The following ZNF500 variants were observed in gnomAD, a reference collection of about 807,000 sequenced individuals.
The protein encoded by ZNF500 is zinc finger protein 500, also known as zinc finger protein with KRAB and SCAN domains 18.
Under a neutral mutation model 30.1 loss-of-function variants are expected in ZNF500, and 31 were observed. The observed-to-expected ratio is 1.03, with a 90% CI of 0.77 to 1.39. ZNF500 has a LOEUF of 1.39. ZNF500 is among the 40% of genes most tolerant of loss of function. The pLI, the probability that ZNF500 is intolerant of heterozygous loss-of-function variation, is 0.00. For missense variants in ZNF500, 817 were observed against 657.8 expected, an observed-to-expected ratio of 1.24 and a Z score of -2.65; for synonymous variants, 392 against 282.0, an observed-to-expected ratio of 1.39 and a Z score of -3.91.
At chr16:4,765,160 G>C (rs576455330) in intron 2 of ZNF500, among the ~76,000 whole-genome samples, 1 of 152,264 alleles carries the variant, frequency 6.6e-6, no homozygotes, top group South Asian at 2.1e-4. Flanking sequence ...AAATTAGCAG[G>C]TGTAGTGGTG....
rs750039850 is a variant in ZNF500 at position 4,752,436 on chromosome 16, C to T, written c.1383G>A (p.Gly461=). The T allele has an allele frequency of 8.4e-6, 13 of 1,538,584 alleles. No homozygotes were observed. Among genetic ancestry groups the T allele is most frequent in the South Asian group, 7.1e-5 (6 of 84,076 alleles). ...GCTGGAGCGTCGGCAAGGAGCCTGCCCCCATGTGGGTCCGCTGGTGCTTGT... is the reference window on the plus strand; with the variant it reads ...GCTGGAGCGTCGGCAAGGAGCCTGCTCCCATGTGGGTCCGCTGGTGCTTGT... ...DLHKHQRTHM[G]AGSLPTLQPV... The change falls in exon 6 of 6, where the codon GGG becomes GGA. Residue 461 remains glycine (G), a synonymous_variant. Transcript: ENST00000219478.
intron 4 of ZNF500, 27 bp from the exon 5 acceptor site, chr16:4,760,615 TG>T: frequency 6.2e-7 from 1 of 1,604,184 alleles, no homozygotes; most frequent in African/African-American, 1.3e-5. Flanking sequence ...CACTCAGTCC[TG>T]GCCCCAAGCA....
rs777126855 is a variant in ZNF500 at position 4,765,982 on chromosome 16, T to C, written c.-4A>G. The C allele has an allele frequency of 1.8e-5, 28 of 1,547,438 alleles. No homozygotes were observed. The highest frequency in any genetic ancestry group is 2.3e-5 in the Non-Finnish European group (27 of 1,151,460). ...GGAGGCCAGGGACAGTGGCCATTGC[T>C]TCCGGTGGGCCTTGTTCCTTTTCAG... On this transcript the variant is annotated 5_prime_UTR_variant, in exon 2 of 6. Coordinates refer to ENST00000219478, the MANE Select transcript of ZNF500 (RefSeq NM_021646.4).
chr16:4,745,142 A>G (rs1448789742), downstream of ZNF500: 2 of 1,212,324 alleles, frequency 1.6e-6, no homozygotes, highest in African/African-American at 3.0e-5. Flanking sequence ...GCATCTGATC[A>G]GGCAGTCGCT....
At chr16:4,746,902 C>A, downstream of ZNF500, 1 of 1,525,842 alleles carries the variant, frequency 6.6e-7, no homozygotes, top group South Asian at 1.2e-5. Context: ...TGGGCACATC[C>A]AGAAACCCAT....
chr16:4,745,124 ACT>A, downstream of ZNF500: 1 of 1,346,036 alleles, frequency 7.4e-7, no homozygotes, highest in African/African-American at 1.5e-5. Context: ...TTTCTCAGTC[ACT>A]CTCAAGCATC....
chr16:4,745,107 T>C (rs2081997875), downstream of ZNF500: 1 of 1,439,736 alleles, frequency 6.9e-7, no homozygotes, highest in Admixed American at 1.9e-5. Context: ...GGGCACTCCA[T>C]GTGCATTTTC....
intron 2 of ZNF500, among the ~76,000 whole-genome samples, chr16:4,763,342 T>G (rs1260257436): frequency 6.8e-6 from 1 of 147,114 alleles, no homozygotes; most frequent in African/African-American, 2.5e-5. Flanking sequence ...CAGGTTGCAG[T>G]GAGCCGAGAT....
rs779706851 is a variant in ZNF500, at chr16:4,765,871, C to T, written c.108G>A (p.Glu36=). Reference sequence around the variant, plus strand: ...TGGGGTCCTCCGTCTCCACGGAGGGCTCCTCTTCCAAGCAGAAGTCCTCCT... The same window carrying T: ...TGGGGTCCTCCGTCTCCACGGAGGGTTCCTCTTCCAAGCAGAAGTCCTCCT... ...KVEEDFCLEE[E]PSVETEDPSP... is the part of the protein sequence containing the mutation. Residue 36 remains glutamate, a synonymous_variant, in exon 2 of 6, where the codon GAG becomes GAA. Transcript: ENST00000219478. 3.1e-6 allele frequency: 5 copies of T among 1,613,602 alleles called. No homozygotes were observed. The African/African-American group carries it at 4.0e-5, about 13-fold the overall frequency.
downstream of ZNF500, among the ~76,000 whole-genome samples, chr16:4,745,948 G>A (rs2082010119): frequency 9.8e-6 from 1 of 102,470 alleles, no homozygotes; most frequent in Admixed American, 1.1e-4. Context: ...GCAAGACTCT[G>A]TCTCAAAAAA....
intron 5 of ZNF500, among the ~76,000 whole-genome samples, 170 bp downstream of exon 5, chr16:4,760,322 C>T (rs377410793): frequency 3.2e-4 from 48 of 152,234 alleles, no homozygotes; most frequent in African/African-American, 9.9e-4. Context: ...GAGTCACGGC[C>T]GAGTGGCTGT....
chr16:4,762,603 G>A lies in ZNF500; in HGVS notation c.568C>T (p.Gln190Ter), dbSNP rs1277516512. The A allele has an allele frequency of 6.2e-7, 1 of 1,613,912 alleles. No homozygotes were observed. The highest frequency in any genetic ancestry group is 2.2e-5 in the East Asian group (1 of 44,878). ...QPPAQLSHRP[Q>*]RGPLLWPERG... Reference sequence around the variant, plus strand: ...TCTGGCCACAACAGCGGGCCCCTCTGTGGCCTGTGGCTCAGCTGGGCTGGG... The same window carrying A: ...TCTGGCCACAACAGCGGGCCCCTCTATGGCCTGTGGCTCAGCTGGGCTGGG... Residue 190 changes from glutamine to a stop codon, truncating the protein, a stop_gained, in exon 3 of 6, where the codon CAG becomes TAG. Coordinates refer to ENST00000219478, the MANE Select transcript of ZNF500 (RefSeq NM_021646.4). LOFTEE classifies it high-confidence loss of function.
chr16:4,764,206 C>T (rs1275014149), intron 2 of ZNF500: 8 of 470,438 alleles, frequency 1.7e-5, no homozygotes, highest in Non-Finnish European at 5.6e-6. Context: ...GAGAGGTGGT[C>T]AGTGTGACTG....
rs866279215 is a variant in ZNF500 at position 4,752,474 on chromosome 16, C to A, written c.1345G>T (p.Gly449Cys). 6.5e-7 allele frequency: 1 copy of A among 1,545,050 alleles called. No individual in the cohort carries two copies. ...CGCTGGTGCTTGTGCAGGTCGGTGC[C>A]CCGGCGGAAGCCCCGGCCACAGGCC... The part of the protein sequence containing the change: ...CPACGRGFRR[G>C]TDLHKHQRTH... Residue 449 changes from glycine (G) to cysteine (C), a missense_variant, in exon 6 of 6, where the codon GGC becomes TGC. Physicochemically the swap from Gly to Cys is radical, Grantham distance 159. Coordinates refer to ENST00000219478, the MANE Select transcript of ZNF500 (RefSeq NM_021646.4).
Position 4,752,556 on chromosome 16 carries a change from G to A in ZNF500, c.1263C>T (p.Ser421=), listed in dbSNP as rs1165035795. The change falls in exon 6 of 6, where the codon AGC becomes AGT. Residue 421 remains serine, a synonymous_variant. Coordinates refer to ENST00000219478, the MANE Select transcript of ZNF500 (RefSeq NM_021646.4). ...TCCGGCGGTGGGCGCTGAAGTGCGA[G>A]CTGTTGTTGAAGCGCTTCCCGCACT... is the stretch of plus-strand genomic sequence containing the variant. ...CTQCGKRFNN[S]SHFSAHRRTH... is the part of the protein sequence containing the mutation. 6.4e-7 allele frequency: 1 copy of A among 1,573,590 alleles called. No individual in the cohort carries two copies. The highest frequency in any genetic ancestry group is 1.9e-5 in the Admixed American group (1 of 53,978).
chr16:4,759,860 T>C (rs1264817926), intron 5 of ZNF500, among the ~76,000 whole-genome samples: 1 of 152,094 alleles, frequency 6.6e-6, no homozygotes, highest in Non-Finnish European at 1.5e-5. Context: ...AACATGGTGA[T>C]GAAACCCATC....
At chr16:4,763,187 C>G in intron 2 of ZNF500, 1 of 913,052 alleles carries the variant, frequency 1.1e-6, no homozygotes, top group South Asian at 5.0e-5. Flanking sequence ...CACCTGAGGC[C>G]AGGAGTTCGA....
chr16:4,764,145 C>G (rs531795392), intron 2 of ZNF500: 7 of 964,652 alleles, frequency 7.3e-6, no homozygotes, highest in African/African-American at 1.8e-5. Flanking sequence ...AGGGTCCTGT[C>G]TGTGCCATCC....
intron 5 of ZNF500, among the ~76,000 whole-genome samples, chr16:4,753,673 T>C (rs1028392868): frequency 1.3e-5 from 2 of 152,208 alleles, no homozygotes; most frequent in African/African-American, 4.8e-5. Flanking sequence ...AGCCAGGGGT[T>C]CCCACCCAGT....
Sources: gnomAD v4.1 joint callset for allele counts (sites outside exome capture counted in the v4.1 genomes callset) on GRCh38, gnomAD v4.1.1 for gene constraint, MANE v1.5 for transcripts, NCBI Gene and HGNC (gene_info 2026-07-23, HGNC 2026-07-21) for gene names.